Variants in RNLS observed in about 807,000 individuals in gnomAD.
RNLS encodes the protein renalase.
A neutral mutation model predicts 39.8 loss-of-function variants in RNLS; 39 were observed. That is an observed-to-expected ratio of 0.98 (90% confidence interval 0.76 to 1.28). The LOEUF (loss-of-function observed/expected upper bound fraction) is 1.28, where lower values mean the gene tolerates loss of function less well. Among genes scored for constraint, RNLS ranks in the 50% most tolerant of loss-of-function variants. The pLI, the probability that RNLS is intolerant of heterozygous loss-of-function variation, is 0.00. For missense variants in RNLS, 410 were observed against 413.3 expected (o/e 0.99, Z 0.07); for synonymous variants, 147 against 150.7 (o/e 0.98, Z 0.18).
chr10:88,381,882 G>GAT (rs553974187), intron 4 of RNLS, among the ~76,000 whole-genome samples: 134 of 125,600 alleles, frequency 1.1e-3, no homozygotes, highest in African/African-American at 3.8e-3. Flanking sequence ...ATTTTTAAGT[G>GAT]ATTGAAAAAT....
chr10:88,505,446 G>A (rs571788327), intron 4 of RNLS, among the ~76,000 whole-genome samples: 4 of 151,734 alleles, frequency 2.6e-5, no homozygotes, highest in Admixed American at 6.6e-5. Context: ...CATGTGTGTT[G>A]GAGAAAGGGA....
chr10:88,381,390 C>T (rs937057211), intron 4 of RNLS, among the ~76,000 whole-genome samples: 6 of 144,746 alleles, frequency 4.1e-5, no homozygotes, highest in African/African-American at 1.6e-4. Flanking sequence ...TTTCGTTATT[C>T]TTGTGGATAG....
chr10:88,343,209 A>G (rs1439278468), intron 5 of RNLS, among the ~76,000 whole-genome samples: 1 of 152,196 alleles, frequency 6.6e-6, no homozygotes, highest in Non-Finnish European at 1.5e-5. Context: ...ATGAACTGGA[A>G]AGGGGCAAGG....
intron 4 of RNLS, among the ~76,000 whole-genome samples, chr10:88,475,679 C>T (rs1025206773): frequency 1.3e-5 from 2 of 152,096 alleles, no homozygotes; most frequent in East Asian, 3.8e-4. Flanking sequence ...CTGTGAGGAT[C>T]CAGAGATCAC....
intron 4 of RNLS, among the ~76,000 whole-genome samples, chr10:88,469,072 C>T (rs1040520015): frequency 6.6e-6 from 1 of 151,670 alleles, no homozygotes; most frequent in African/African-American, 2.4e-5. Context: ...ACATATATAC[C>T]ATATTTATTT....
rs181388379 is a variant in RNLS at position 88,521,255 on chromosome 10, T to C, written c.526+51648A>G. Among the ~76,000 whole-genome samples the C allele has an allele frequency of 7.2e-5, 11 of 152,172 alleles. No individual in the cohort carries two copies. In the East Asian group the frequency reaches 2.1e-3, roughly 29 times the overall value. The stretch of plus-strand genomic sequence containing the variant: ...TCTTTAACCCACTACACCTGAGCTA[T>C]GTTTGTTTCCCTGATAAAGACTATG... On this transcript the variant is annotated intron_variant, in intron 4 of 6. Coordinates refer to ENST00000331772, the MANE Select transcript of RNLS (RefSeq NM_001031709.3).
At chr10:88,505,460 C>T (rs1015289012) in intron 4 of RNLS, among the ~76,000 whole-genome samples, 3 of 142,684 alleles carry the variant, frequency 2.1e-5, no homozygotes, top group African/African-American at 5.2e-5. Flanking sequence ...AAAGGGAGGA[C>T]GGGAAGGAGA....
intron 4 of RNLS, among the ~76,000 whole-genome samples, chr10:88,559,423 G>A (rs1352640165): frequency 6.6e-6 from 1 of 152,032 alleles, no homozygotes; most frequent in East Asian, 1.9e-4. Flanking sequence ...CCTGTCATTT[G>A]TTCAACAGAT....
At chr10:88,351,886 G>A (rs1293365769) in intron 5 of RNLS, among the ~76,000 whole-genome samples, 2 of 152,256 alleles carry the variant, frequency 1.3e-5, no homozygotes, top group Middle Eastern at 3.4e-3. Context: ...TTGTTGAGTA[G>A]TGGTTTGTAG....
rs140383432 is a variant in RNLS at position 88,499,141 on chromosome 10, C to G, written c.526+73762G>C. On this transcript the variant is annotated intron_variant, in intron 4 of 6. Coordinates refer to ENST00000331772, the MANE Select transcript of RNLS (RefSeq NM_001031709.3). The stretch of plus-strand genomic sequence containing the variant: ...TGCCGAAGTGATTAAAAGTGTTATG[C>G]ACATGGAGGAGTCCATTGTTGCTCA... 2.6e-5 allele frequency among the ~76,000 whole-genome samples: 4 copies of G among 152,278 alleles called. No homozygotes were observed. In the East Asian group the frequency reaches 7.7e-4, roughly 29 times the overall value.
chr10:88,471,417 G>A (rs983174043), intron 4 of RNLS, among the ~76,000 whole-genome samples: 2 of 152,110 alleles, frequency 1.3e-5, no homozygotes, highest in African/African-American at 4.8e-5. Context: ...TTTTCAGAGA[G>A]GCCTTTTCCA....
intron 4 of RNLS, among the ~76,000 whole-genome samples, chr10:88,509,597 CA>C (rs1845990260): frequency 6.6e-6 from 1 of 151,438 alleles, no homozygotes; most frequent in Admixed American, 6.6e-5. Context: ...AAAAATGCCA[CA>C]AAATGGTTAA....
intron 5 of RNLS, among the ~76,000 whole-genome samples, chr10:88,318,256 G>A (rs896001969): frequency 2.0e-5 from 3 of 152,148 alleles, no homozygotes; most frequent in African/African-American, 7.2e-5. Flanking sequence ...GGGAGCCCTG[G>A]AGATCTCACC....
intron 4 of RNLS, among the ~76,000 whole-genome samples, chr10:88,441,145 A>T (rs186243156): frequency 3.3e-5 from 5 of 152,298 alleles, no homozygotes; most frequent in African/African-American, 1.2e-4. Context: ...TTACAAACAG[A>T]TCAGGGGAAA....
At chr10:88,248,378 C>A in the RNLS span, among the ~76,000 whole-genome samples, 1 of 152,190 alleles carries the variant, frequency 6.6e-6, no homozygotes, top group Non-Finnish European at 1.5e-5. Flanking sequence ...TCAGGAAAGG[C>A]ATTTGTTGTC....
At chr10:88,292,591 A>AC (rs558906343) in intron 6 of RNLS, among the ~76,000 whole-genome samples, 3,841 of 149,018 alleles carry the variant, frequency 0.026, 152 homozygotes, top group African/African-American at 0.079. Context: ...AAAAAAAAAA[A>AC]CCTAGTTGCA....
chr10:88,557,517 T>G (rs1848936374), intron 4 of RNLS, among the ~76,000 whole-genome samples: 1 of 152,120 alleles, frequency 6.6e-6, no homozygotes, highest in African/African-American at 2.4e-5. Flanking sequence ...TGAGGCAATA[T>G]AATACAAAAC....
At chr10:88,391,163 T>C (rs751160757) in intron 4 of RNLS, among the ~76,000 whole-genome samples, 2 of 152,238 alleles carry the variant, frequency 1.3e-5, no homozygotes, top group Non-Finnish European at 2.9e-5. Flanking sequence ...TGTCTGATTA[T>C]GTCTTCCAGT....
At chr10:88,565,917 T>TTTTTGTATTTTTG (rs1397466682) in intron 4 of RNLS, among the ~76,000 whole-genome samples, 1 of 151,806 alleles carries the variant, frequency 6.6e-6, no homozygotes, top group East Asian at 1.9e-4. Flanking sequence ...ACCCAGCTAA[T>TTTTTGTATTTTTG]TTTTGTATTT....
Sources: gnomAD v4.1 joint callset for allele counts (sites outside exome capture counted in the v4.1 genomes callset) on GRCh38, gnomAD v4.1.1 for gene constraint, MANE v1.5 for transcripts, NCBI Gene and HGNC (gene_info 2026-07-23, HGNC 2026-07-21) for gene names.